The following CSMD1 variants were observed in gnomAD, a reference collection of about 807,000 sequenced individuals.
The protein encoded by CSMD1 is CUB and Sushi multiple domains 1.
In CSMD1, 213 loss-of-function variants were observed where a neutral mutation model predicts 417.5. The observed-to-expected ratio is 0.51, with a 90% CI of 0.46 to 0.57. The LOEUF (loss-of-function observed/expected upper bound fraction) is 0.57. CSMD1 is among the 20% of genes least tolerant of loss of function. The pLI, the probability that CSMD1 is intolerant of heterozygous loss-of-function variation, is 0.00. For synonymous variants in CSMD1, 2,862 were observed against 1,736.8 expected, an observed-to-expected ratio of 1.65 and a Z score of -16.11; for missense variants, 6,923 against 4,529.7, an observed-to-expected ratio of 1.53 and a Z score of -15.17.
At chr8:3,836,750 C>T (rs950346378) in intron 5 of CSMD1, among the ~76,000 whole-genome samples, 1 of 151,592 alleles carries the variant, frequency 6.6e-6, no homozygotes, top group African/African-American at 2.4e-5. Context: ...AAATTCAGGG[C>T]AAAAAAATGT....
chr8:3,337,685 G>C (rs377050387), intron 23 of CSMD1, among the ~76,000 whole-genome samples: 188 of 152,290 alleles, frequency 1.2e-3, no homozygotes, highest in African/African-American at 4.4e-3. Flanking sequence ...CCAGTCTTGC[G>C]TCTGCTGAGA....
chr8:3,505,736 C>G (rs1242237120), intron 10 of CSMD1, among the ~76,000 whole-genome samples: 1 of 152,186 alleles, frequency 6.6e-6, no homozygotes, highest in Non-Finnish European at 1.5e-5. Flanking sequence ...AAACGATGTT[C>G]TGCTTAGTAT....
At chr8:4,047,889 C>T (rs992049816) in intron 3 of CSMD1, among the ~76,000 whole-genome samples, 24 of 151,688 alleles carry the variant, frequency 1.6e-4, no homozygotes, top group African/African-American at 5.6e-4. Flanking sequence ...CATCACTGAG[C>T]CTTTAGTTTG....
intron 1 of CSMD1, among the ~76,000 whole-genome samples, chr8:4,815,388 A>G (rs908296590): frequency 2.0e-5 from 3 of 152,136 alleles, no homozygotes; most frequent in African/African-American, 7.2e-5. Context: ...ATGTGGGGCT[A>G]CTGTACTGCA....
At chr8:4,774,708 G>A (rs902188361) in intron 1 of CSMD1, among the ~76,000 whole-genome samples, 2 of 152,130 alleles carry the variant, frequency 1.3e-5, no homozygotes, top group Non-Finnish European at 2.9e-5. Flanking sequence ...GATCCTTCAT[G>A]AATGGTTTGG....
chr8:4,668,117 T>C (rs1222853279), intron 1 of CSMD1, among the ~76,000 whole-genome samples: 1 of 152,170 alleles, frequency 6.6e-6, no homozygotes, highest in African/African-American at 2.4e-5. Context: ...TTAGCAGATA[T>C]TGCCTCGTAT....
At chr8:4,729,285 C>T (rs1033606124) in intron 1 of CSMD1, among the ~76,000 whole-genome samples, 3 of 151,868 alleles carry the variant, frequency 2.0e-5, no homozygotes, top group Admixed American at 2.0e-4. Context: ...TCATTATATT[C>T]GGAAATGCAG....
At chr8:3,645,969 G>T (rs965679884) in intron 7 of CSMD1, among the ~76,000 whole-genome samples, 3 of 150,404 alleles carry the variant, frequency 2.0e-5, no homozygotes, top group African/African-American at 7.3e-5. Context: ...ATTAAATTTA[G>T]AAAAAAACTA....
At chr8:4,956,874 A>G (rs987044167) in intron 1 of CSMD1, among the ~76,000 whole-genome samples, 3 of 152,120 alleles carry the variant, frequency 2.0e-5, no homozygotes, top group Non-Finnish European at 2.9e-5. Flanking sequence ...TGTTCCCTCC[A>G]CACCAAGCGG....
chr8:3,117,037 TG>T (rs1281862652), intron 42 of CSMD1, among the ~76,000 whole-genome samples: 1 of 152,190 alleles, frequency 6.6e-6, no homozygotes, highest in African/African-American at 2.4e-5. Context: ...TTTTAAAATG[TG>T]GCTAAAGAAT....
intron 5 of CSMD1, among the ~76,000 whole-genome samples, chr8:3,904,061 G>T (rs1377022552): frequency 2.0e-5 from 3 of 151,902 alleles, no homozygotes; most frequent in Admixed American, 6.6e-5. Context: ...ATTTCCTGCA[G>T]GTGTGATATC....
intron 1 of CSMD1, among the ~76,000 whole-genome samples, chr8:4,759,416 T>A (rs1243245175): frequency 1.3e-5 from 2 of 152,114 alleles, no homozygotes; most frequent in African/African-American, 2.4e-5. Context: ...TCTGAAAAAA[T>A]TTTAAGTTCA....
At chr8:4,994,300 C>G (rs761336910) in intron 1 of CSMD1, 32 bp downstream of exon 1, 3 of 1,597,964 alleles carry the variant, frequency 1.9e-6, no homozygotes, top group Admixed American at 1.7e-5. Context: ...AGGGCTCTAC[C>G]GCCTCCCCGG....
At position 4,960,327 on chromosome 8, in the gene CSMD1, T is replaced by A. The variant is rs565296732; in HGVS notation, c.85+34005A>T. ...GATATATAGACAAGTGTGTTTAATG[T>A]TCTGACATCTTACTTAGAAGAGAAT... On this transcript the variant is annotated intron_variant, in intron 1 of 69. Coordinates refer to ENST00000635120, the MANE Select transcript of CSMD1 (RefSeq NM_033225.6). Among the ~76,000 whole-genome samples, 27 of 152,318 alleles carry A rather than the reference T, an allele frequency of 1.8e-4. No homozygotes were observed. In the South Asian group the frequency reaches 3.7e-3, roughly 21 times the overall value.
chr8:3,645,903 C>G (rs1797549038), intron 7 of CSMD1, among the ~76,000 whole-genome samples: 1 of 152,082 alleles, frequency 6.6e-6, no homozygotes, highest in Admixed American at 6.5e-5. Flanking sequence ...CTATAATTTT[C>G]TAAATGTTTC....
chr8:3,247,838 T>C (rs976709005), intron 26 of CSMD1, among the ~76,000 whole-genome samples: 1 of 152,120 alleles, frequency 6.6e-6, no homozygotes, highest in African/African-American at 2.4e-5. Context: ...TGTACAAAAT[T>C]AGGCAATGTC....
chr8:3,475,186 G>A (rs78261419), intron 11 of CSMD1, among the ~76,000 whole-genome samples: 1 of 146,916 alleles, frequency 6.8e-6, no homozygotes, highest in Admixed American at 7.0e-5. Flanking sequence ...CTTGAAGCCA[G>A]ATTAGGATTT....
chr8:4,577,076 A>G (rs892143550), intron 2 of CSMD1, among the ~76,000 whole-genome samples: 5 of 152,216 alleles, frequency 3.3e-5, no homozygotes, highest in African/African-American at 1.2e-4. Flanking sequence ...AAATGATTAT[A>G]TGATAATTTG....
chr8:4,807,557 G>A (rs192216525), intron 1 of CSMD1, among the ~76,000 whole-genome samples: 5 of 152,266 alleles, frequency 3.3e-5, no homozygotes, highest in Admixed American at 1.3e-4. Context: ...TCATTGTTCC[G>A]TGGGCCTGAG....
Sources: gnomAD v4.1 joint callset for allele counts (sites outside exome capture counted in the v4.1 genomes callset) on GRCh38, gnomAD v4.1.1 for gene constraint, MANE v1.5 for transcripts, NCBI Gene and HGNC (gene_info 2026-07-23, HGNC 2026-07-21) for gene names.